The following KAT8 variants were observed in gnomAD, a reference collection of about 807,000 sequenced individuals.
KAT8 encodes the protein histone acetyltransferase KAT8.
A neutral mutation model predicts 62.9 loss-of-function variants in KAT8; 40 were observed. The ratio of observed to expected loss-of-function variants is 0.64; its 90% CI spans 0.49 to 0.83. The LOEUF (loss-of-function observed/expected upper bound fraction) is 0.83. Among genes scored for constraint, KAT8 ranks in the 40% least tolerant of loss-of-function variants. The pLI is 0.00. For synonymous variants in KAT8, 278 were observed against 254.5 expected, an observed-to-expected ratio of 1.09 and a Z score of -0.88; for missense variants, 387 against 614.8, an observed-to-expected ratio of 0.63 and a Z score of 3.92.
chr16:31,121,650 G>A (rs1019419316), intron 3 of KAT8, among the ~76,000 whole-genome samples: 2 of 152,050 alleles, frequency 1.3e-5, no homozygotes, highest in African/African-American at 4.8e-5. Context: ...GGGCTCAAAT[G>A]TTCTTCCTGC....
Position 31,123,499 on chromosome 16 carries a change from G to A in KAT8, c.462+2985G>A, listed in dbSNP as rs560466781. Among the ~76,000 whole-genome samples, 25 of 143,730 alleles carry A rather than the reference G, an allele frequency of 1.7e-4. No homozygotes were observed. In the East Asian group the frequency reaches 2.8e-3, roughly 16 times the overall value. 94.3% of individuals were successfully genotyped at this position (143,730 alleles called of 152,430 possible). ...GCTGGGATTACAGGTGTGAGCCACC[G>A]TGCCCAGCCAAAATTTTCATTTTTT... On this transcript the variant is annotated intron_variant, in intron 3 of 10. Coordinates refer to ENST00000219797, the MANE Select transcript of KAT8 (RefSeq NM_032188.3).
chr16:31,121,958 C>T (rs2057496879), intron 3 of KAT8, among the ~76,000 whole-genome samples: 1 of 151,680 alleles, frequency 6.6e-6, no homozygotes, highest in Non-Finnish European at 1.5e-5. Context: ...GCTATGTTGC[C>T]CACACTAGTC....
Position 31,117,750 on chromosome 16 carries a change from C to T in KAT8, c.69C>T (p.Pro23=). The change falls in exon 1 of 11, where the codon CCC becomes CCT. Residue 23 remains proline (P), a synonymous_variant. Coordinates refer to ENST00000219797, the MANE Select transcript of KAT8 (RefSeq NM_032188.3). Reference sequence around the variant, plus strand: ...CAGGGGTCGCGGGGGAGGGCGAGCCCGGGCCCGGGGAGAATGCGGCCGCTG... The same window carrying T: ...CAGGGGTCGCGGGGGAGGGCGAGCCTGGGCCCGGGGAGAATGCGGCCGCTG... ...GTSGVAGEGE[P]GPGENAAAEG... 1 of 1,380,526 alleles carries T rather than the reference C, an allele frequency of 7.2e-7. No homozygotes were observed. Among genetic ancestry groups the T allele is most frequent in the Non-Finnish European group, 9.4e-7 (1 of 1,059,564 alleles). The allele number at this position is 1,380,526 out of a possible 1,614,324, so 85.5% of individuals were successfully genotyped here.
Position 31,130,788 on chromosome 16 carries a change from G to T in KAT8, c.1200G>T (p.Leu400=). The change falls in exon 10 of 11, where the codon CTG becomes CTT. Residue 400 remains leucine, a synonymous_variant. Transcript: ENST00000219797. The stretch of plus-strand genomic sequence containing the variant: ...CCCAAAATGACATCATCAGTACCCT[G>T]CAATCCCTCAATATGGTCAAGTACT... ...SITQNDIIST[L]QSLNMVKYWK... 1 of 1,614,134 alleles carries T rather than the reference G, an allele frequency of 6.2e-7. No homozygotes were observed. The highest frequency in any genetic ancestry group is 8.5e-7 in the Non-Finnish European group (1 of 1,180,016).
In KAT8 at chr16:31,128,178, C is replaced by T. The variant is rs568804183; in HGVS notation, c.771+39C>T. Reference sequence around the variant, plus strand: ...CAGGGGTTGGGAGAGGCCGGGGAGGCCCTGGGCACCTCCCAGATGATCCTC... The same window carrying T: ...CAGGGGTTGGGAGAGGCCGGGGAGGTCCTGGGCACCTCCCAGATGATCCTC... On this transcript the variant is annotated intron_variant, in intron 6 of 10. Coordinates refer to ENST00000219797, the MANE Select transcript of KAT8 (RefSeq NM_032188.3). The T allele has an allele frequency of 4.8e-6, 7 of 1,471,238 alleles. No homozygotes were observed. The Admixed American group carries it at 1.0e-4, about 22-fold the overall frequency. 91.1% of individuals were successfully genotyped at this position (1,471,238 alleles called of 1,614,324 possible).
intron 8 of KAT8, 38 bp downstream of exon 8, chr16:31,130,398 G>A (rs1462921941): frequency 6.2e-7 from 1 of 1,614,144 alleles, no homozygotes; most frequent in East Asian, 2.2e-5. Context: ...GGGGAGACCT[G>A]TGGGGCAGGG....
chr16:31,127,572 C>T (rs1053505733), intron 5 of KAT8, among the ~76,000 whole-genome samples: 1 of 152,204 alleles, frequency 6.6e-6, no homozygotes, highest in Non-Finnish European at 1.5e-5. Context: ...CTCAGCTCCT[C>T]TTCTCTGGAA....
intron 1 of KAT8, 44 bp downstream of exon 1, chr16:31,117,936 C>G (rs1297632633): frequency 4.3e-5 from 54 of 1,269,666 alleles, no homozygotes; most frequent in Non-Finnish European, 5.4e-5. Flanking sequence ...GAGCTCAGGG[C>G]CAGGGGGTGG....
intron 3 of KAT8, chr16:31,126,682 C>G (rs2057533606): frequency 3.5e-6 from 1 of 285,600 alleles, no homozygotes; most frequent in African/African-American, 2.2e-5. Flanking sequence ...TACGCTGGGC[C>G]TGGAAGGCAA....
In KAT8 at chr16:31,129,951, G is replaced by A. The variant is rs970019813; in HGVS notation, c.772-66G>A. On this transcript the variant is annotated intron_variant, in intron 6 of 10. Transcript: ENST00000219797. ...CACTTCGCGTGGGCTGGTGCCGGCC[G>A]CTGGAACCAGCTGGGTGGGGCCTGT... 1.8e-5 allele frequency: 28 copies of A among 1,578,416 alleles called. 1 individual carries two copies. Among genetic ancestry groups the A allele is most frequent in the Middle Eastern group, 1.9e-4 (1 of 5,300 alleles).
intron 1 of KAT8, chr16:31,118,780 T>G (rs2057470788): frequency 6.6e-6 from 1 of 152,204 alleles, no homozygotes; most frequent in African/African-American, 2.4e-5. Flanking sequence ...AGTGGTTGCC[T>G]TACTCATTTA....
Position 31,130,379 on chromosome 16 carries a change from G to T in KAT8, c.1006+19G>T. ...GCTTTCAGTGAGTGGTTCCTGGCCTGTCTGGGAGGGGGAGACCTGTGGGGC... is the reference window on the plus strand; with the variant it reads ...GCTTTCAGTGAGTGGTTCCTGGCCTTTCTGGGAGGGGGAGACCTGTGGGGC... On this transcript the variant is annotated intron_variant, in intron 8 of 10. Coordinates refer to ENST00000219797, the MANE Select transcript of KAT8 (RefSeq NM_032188.3). The T allele has an allele frequency of 6.2e-7, 1 of 1,614,202 alleles. No homozygotes were observed. The highest frequency in any genetic ancestry group is 8.5e-7 in the Non-Finnish European group (1 of 1,180,010).
intron 3 of KAT8, 92 bp from the exon 4 acceptor site, chr16:31,126,943 T>C: frequency 7.4e-7 from 1 of 1,355,656 alleles, no homozygotes. Context: ...TGAGGTCTGG[T>C]AGACGGCAGG....
At chr16:31,128,212 C>T in intron 6 of KAT8, 73 bp downstream of exon 6, 1 of 1,186,466 alleles carries the variant, frequency 8.4e-7, no homozygotes, top group Non-Finnish European at 1.2e-6. Flanking sequence ...TCATCACCAC[C>T]AAAGGGGAGG....
chr16:31,120,296 G>C, intron 2 of KAT8, 36 bp downstream of exon 2: 1 of 1,613,974 alleles, frequency 6.2e-7, no homozygotes, highest in East Asian at 2.2e-5. Context: ...TGGGTGCAGG[G>C]AGTTGGCTGC....
At chr16:31,123,235 G>A (rs1031498189) in intron 3 of KAT8, among the ~76,000 whole-genome samples, 8 of 151,816 alleles carry the variant, frequency 5.3e-5, no homozygotes, top group East Asian at 1.9e-4. Flanking sequence ...TTATTTTTTC[G>A]AGACAGAGTC....
Position 31,117,815 on chromosome 16 carries a change from C to G in KAT8, c.134C>G (p.Thr45Ser). The change falls in exon 1 of 11, where the codon ACC becomes AGC. Residue 45 changes from threonine (T) to serine (S), a missense_variant. By Grantham distance (58) the Thr-to-Ser change is moderately conservative. Transcript: ENST00000219797. ...TCCCCGGGCCGCGTCTCTCCGCCGA[C>G]CCCGGCGCGCGGCGAGCCGGAAGTC... ...APSPGRVSPP[T>S]PARGEPEVTV... 1 of 1,435,352 alleles carries G rather than the reference C, an allele frequency of 7.0e-7. No individual in the cohort carries two copies. The highest frequency in any genetic ancestry group is 1.4e-5 in the South Asian group (1 of 72,282). 88.9% of individuals were successfully genotyped at this position (1,435,352 alleles called of 1,614,324 possible). A position where few individuals can be genotyped will look rare whatever the true frequency, so the allele number is the denominator to read the frequency against.
rs1373659655 is a variant in KAT8, at chr16:31,130,319, C to G, written c.965C>G (p.Pro322Arg). ...GTGGCCTGCATCCTGACCTTGCCCC[C>G]CTACCAACGCCGCGGCTACGGGAAG... ...NNVACILTLP[P>R]YQRRGYGKFL... Residue 322 changes from proline (P) to arginine (R), a missense_variant, in exon 8 of 11, where the codon CCC becomes CGC. Physicochemically the swap from Pro to Arg is moderately radical, Grantham distance 103. This residue lies in a region of KAT8 where 141 missense variants were observed against 222.5 expected (regional missense o/e 0.63). Transcript: ENST00000219797. 3.1e-6 allele frequency: 5 copies of G among 1,614,212 alleles called. No individual in the cohort carries two copies. The highest frequency in any genetic ancestry group is 2.5e-6 in the Non-Finnish European group (3 of 1,180,032).
chr16:31,118,123 A>G (rs1379798839), intron 1 of KAT8: 2 of 398,062 alleles, frequency 5.0e-6, no homozygotes, highest in Non-Finnish European at 8.9e-6. Flanking sequence ...CCCACCGCTC[A>G]GGCCTTCACC....
Sources: gnomAD v4.1 joint callset for allele counts (sites outside exome capture counted in the v4.1 genomes callset) on GRCh38, gnomAD v4.1.1 for gene constraint, gnomAD v4.1.1 regional missense constraint, MANE v1.5 for transcripts, NCBI Gene and HGNC (gene_info 2026-07-23, HGNC 2026-07-21) for gene names.